The following TMTC2 variants were observed in gnomAD, a reference collection of about 807,000 sequenced individuals.
TMTC2 encodes the protein transmembrane O-mannosyltransferase targeting cadherins 2.
Under a neutral mutation model 82.4 loss-of-function variants are expected in TMTC2, and 43 were observed. That is an observed-to-expected ratio of 0.52 (90% confidence interval 0.41 to 0.67). The LOEUF (loss-of-function observed/expected upper bound fraction) is 0.67. TMTC2 is among the 30% of genes least tolerant of loss of function. The pLI is 0.00. For synonymous variants in TMTC2, 408 were observed against 381.9 expected (o/e 1.07, Z -0.80); for missense variants, 919 against 1,012.4 (o/e 0.91, Z 1.25).
At chr12:82,699,522 C>T (rs1427570351) in intron 1 of TMTC2, among the ~76,000 whole-genome samples, 3 of 152,018 alleles carry the variant, frequency 2.0e-5, no homozygotes, top group South Asian at 2.1e-4. Context: ...TTTTGGAATA[C>T]GCTCATATTC....
chr12:82,890,249 A>AT (rs149273697), intron 2 of TMTC2, among the ~76,000 whole-genome samples: 2,884 of 149,680 alleles, frequency 0.019, 89 homozygotes, highest in African/African-American at 0.067. Context: ...TTATTAATTC[A>AT]TTTTTTTTTC....
chr12:82,897,045 C>T (rs773450775), intron 3 of TMTC2, among the ~76,000 whole-genome samples: 7 of 152,104 alleles, frequency 4.6e-5, no homozygotes, highest in Non-Finnish European at 8.8e-5. Flanking sequence ...CTTCTATTTT[C>T]CAAGCATCGC....
Position 82,896,176 on chromosome 12 carries a change from A to G in TMTC2, c.1013A>G (p.Asn338Ser), listed in dbSNP as rs745391441. 1.2e-6 allele frequency: 2 copies of G among 1,613,986 alleles called. No homozygotes were observed. Among genetic ancestry groups the G allele is most frequent in the African/African-American group, 1.3e-5 (1 of 74,966 alleles). Reference sequence around the variant, plus strand: ...AGCCCGAGCGTAGACAGAGAATGCAATGGGAAAACTGTAACAAATGGCAAG... The same window carrying G: ...AGCCCGAGCGTAGACAGAGAATGCAGTGGGAAAACTGTAACAAATGGCAAG... ...LKSPSVDREC[N>S]GKTVTNGKQN... The change falls in exon 3 of 12, where the codon AAT becomes AGT. Residue 338 changes from asparagine (N) to serine (S), a missense_variant. Coordinates refer to ENST00000321196, the MANE Select transcript of TMTC2 (RefSeq NM_152588.3).
At chr12:82,703,755 G>C (rs1873210823) in intron 1 of TMTC2, among the ~76,000 whole-genome samples, 1 of 152,058 alleles carries the variant, frequency 6.6e-6, no homozygotes. Context: ...CCAAAGTGCT[G>C]GGATTACAGG....
chr12:82,759,567 G>A lies in TMTC2; in HGVS notation c.83+71898G>A, dbSNP rs560456288. 9.2e-5 allele frequency: 14 copies of A among 152,252 alleles called. No individual in the cohort carries two copies. In the South Asian group the frequency reaches 1.2e-3, roughly 14 times the overall value. The allele number at this position is 152,252 out of a possible 1,614,324, so 9.4% of individuals were successfully genotyped here. On this transcript the variant is annotated intron_variant, in intron 1 of 11. Coordinates refer to ENST00000321196, the MANE Select transcript of TMTC2 (RefSeq NM_152588.3). ...ATTAATTCATAAGCACTGAGTTGTA[G>A]CTCATTCCTTCTGGCAAAATTCCAG...
chr12:82,972,362 C>CTAAT (rs1207387869), intron 7 of TMTC2, among the ~76,000 whole-genome samples: 1 of 152,114 alleles, frequency 6.6e-6, no homozygotes, highest in Non-Finnish European at 1.5e-5. Context: ...CATCCTTCAT[C>CTAAT]TAATAAACCT....
At chr12:82,993,908 A>G (rs1026592068) in intron 8 of TMTC2, among the ~76,000 whole-genome samples, 2 of 152,094 alleles carry the variant, frequency 1.3e-5, no homozygotes, top group Non-Finnish European at 2.9e-5. Flanking sequence ...ATTTGCAAAG[A>G]GGTAGGGGCT....
intron 11 of TMTC2, among the ~76,000 whole-genome samples, chr12:83,125,510 G>A (rs563489430): frequency 2.0e-5 from 3 of 152,310 alleles, no homozygotes; most frequent in African/African-American, 7.2e-5. Flanking sequence ...AACCTCTCTA[G>A]TAATCAGTGA....
intron 1 of TMTC2, among the ~76,000 whole-genome samples, chr12:82,840,585 G>A (rs74715745): frequency 0.034 from 5,136 of 152,218 alleles, 293 homozygotes; most frequent in African/African-American, 0.12. Context: ...TGATGGTCAC[G>A]ATTGAATAAA....
intron 11 of TMTC2, among the ~76,000 whole-genome samples, chr12:83,112,425 C>T (rs1264541680): frequency 6.6e-6 from 1 of 152,072 alleles, no homozygotes; most frequent in African/African-American, 2.4e-5. Context: ...CTTAGATGAA[C>T]CAAAGAAGTT....
At chr12:82,977,976 A>G (rs535282442) in intron 7 of TMTC2, among the ~76,000 whole-genome samples, 12 of 151,936 alleles carry the variant, frequency 7.9e-5, no homozygotes, top group East Asian at 3.9e-4. Context: ...ATTTTACTAT[A>G]TAATTGATTT....
intron 8 of TMTC2, among the ~76,000 whole-genome samples, chr12:83,029,301 A>T (rs1026999772): frequency 6.6e-6 from 1 of 152,104 alleles, no homozygotes; most frequent in Admixed American, 6.6e-5. Flanking sequence ...TTCTTAAAAC[A>T]TTATGACAGT....
At chr12:82,879,229 T>G (rs930422401) in intron 2 of TMTC2, among the ~76,000 whole-genome samples, 1 of 152,166 alleles carries the variant, frequency 6.6e-6, no homozygotes, top group African/African-American at 2.4e-5. Flanking sequence ...AGAACTGGAC[T>G]TGGTGGGTAT....
intron 1 of TMTC2, among the ~76,000 whole-genome samples, chr12:82,743,442 G>A (rs113062699): frequency 0.082 from 11,813 of 144,620 alleles, 488 homozygotes; most frequent in South Asian, 0.11. Context: ...GCGAGACTCC[G>A]TCTCAAAAAA....
chr12:83,083,570 C>T (rs1883547478), intron 11 of TMTC2, among the ~76,000 whole-genome samples: 1 of 152,306 alleles, frequency 6.6e-6, no homozygotes, highest in South Asian at 2.1e-4. Context: ...TGGTTCTTCT[C>T]ACCTTGCTTT....
chr12:82,944,110 G>T (rs1043795084), intron 4 of TMTC2, among the ~76,000 whole-genome samples: 1 of 152,170 alleles, frequency 6.6e-6, no homozygotes, highest in African/African-American at 2.4e-5. Context: ...TGGGCAACTG[G>T]AATGTGTTTC....
At chr12:82,853,350 G>A (rs1205489331) in intron 1 of TMTC2, among the ~76,000 whole-genome samples, 1 of 152,116 alleles carries the variant, frequency 6.6e-6, no homozygotes, top group Non-Finnish European at 1.5e-5. Context: ...TGATCCACTT[G>A]CGTCAGACTT....
intron 1 of TMTC2, among the ~76,000 whole-genome samples, chr12:82,785,169 T>G (rs1030247072): frequency 2.6e-5 from 4 of 152,082 alleles, no homozygotes; most frequent in African/African-American, 4.8e-5. Context: ...CGGAAGCTGC[T>G]GGGAATCTCT....
At chr12:82,854,393 C>T (rs923101269) in intron 1 of TMTC2, among the ~76,000 whole-genome samples, 1 of 152,118 alleles carries the variant, frequency 6.6e-6, no homozygotes, top group Non-Finnish European at 1.5e-5. Context: ...TTCCTAAGGA[C>T]ACCTTGTGGG....
Sources: gnomAD v4.1 joint callset for allele counts (sites outside exome capture counted in the v4.1 genomes callset) on GRCh38, gnomAD v4.1.1 for gene constraint, MANE v1.5 for transcripts, NCBI Gene and HGNC (gene_info 2026-07-23, HGNC 2026-07-21) for gene names.